Variants in TEX52 observed in about 807,000 individuals in gnomAD.
TEX52 encodes the protein testis-expressed protein 52.
Under a neutral mutation model 17.6 loss-of-function variants are expected in TEX52, and 22 were observed. The ratio of observed to expected loss-of-function variants is 1.25; its 90% CI spans 0.89 to 1.78. The LOEUF (loss-of-function observed/expected upper bound fraction) is 1.78. Among genes scored for constraint, TEX52 ranks in the 40% most tolerant of loss-of-function variants. TEX52 has a pLI of 0.00. For synonymous variants in TEX52, 168 were observed against 147.4 expected, an observed-to-expected ratio of 1.14 and a Z score of -1.01; for missense variants, 396 against 372.3, an observed-to-expected ratio of 1.06 and a Z score of -0.52.
chr12:2,853,090 G>C (rs1045278272), intron 2 of TEX52, among the ~76,000 whole-genome samples: 3 of 152,050 alleles, frequency 2.0e-5, no homozygotes, highest in African/African-American at 7.2e-5. Flanking sequence ...GAAGTGTTTG[G>C]CAGAACACCA....
chr12:2,852,457 C>G (rs774038819), intron 2 of TEX52, among the ~76,000 whole-genome samples: 1 of 152,142 alleles, frequency 6.6e-6, no homozygotes, highest in African/African-American at 2.4e-5. Context: ...GCCTCGACCT[C>G]CTGGGCTCAG....
chr12:2,856,148 G>A (rs1028170213), intron 1 of TEX52, among the ~76,000 whole-genome samples: 2 of 152,030 alleles, frequency 1.3e-5, no homozygotes, highest in Non-Finnish European at 2.9e-5. Context: ...TATTGCTATC[G>A]TCCCCATCTC....
chr12:2,853,991 C>T (rs1343425128), intron 2 of TEX52, among the ~76,000 whole-genome samples: 1 of 152,168 alleles, frequency 6.6e-6, no homozygotes, highest in Non-Finnish European at 1.5e-5. Flanking sequence ...CCCCTTCTCT[C>T]CTGAATTTCT....
rs2098089524 is a variant in TEX52 at position 2,857,011 on chromosome 12, G to GCAA, written c.15_16insTTG (p.Arg5_Gln6insLeu). 2.8e-6 allele frequency: 2 copies of GCAA among 702,964 alleles called. No individual in the cohort carries two copies. The highest frequency in any genetic ancestry group is 5.2e-6 in the Non-Finnish European group (2 of 384,984). 43.5% of individuals were successfully genotyped at this position (702,964 alleles called of 1,614,324 possible). Reference sequence around the variant, plus strand: ...TGACTGGGCCCTCTGAGTGATCTTTGCCGGTTACTGGCCATTCTTCTGGGC... The same window carrying GCAA: ...TGACTGGGCCCTCTGAGTGATCTTTGCAACCGGTTACTGGCCATTCTTCTGGGC... On this transcript the variant is annotated inframe_insertion, in exon 1 of 3. Transcript: ENST00000637658.
At position 2,849,417 on chromosome 12, in the gene TEX52, C is replaced by T; in HGVS notation, c.732G>A (p.Leu244=). 6.5e-7 allele frequency: 1 copy of T among 1,536,162 alleles called. No individual in the cohort carries two copies. Among genetic ancestry groups the T allele is most frequent in the Non-Finnish European group, 8.7e-7 (1 of 1,146,920 alleles). The part of the protein sequence containing the change: ...FARSWPCPNP[L]PHYQEKVLKL... ...TTAGCACCTTCTCCTGGTAGTGAGG[C>T]AGAGGGTTTGGGCAGGGCCAGCTCC... Residue 244 remains leucine (L), a synonymous_variant, in exon 3 of 3, where the codon CTG becomes CTA. Coordinates refer to ENST00000637658, the MANE Select transcript of TEX52 (RefSeq NM_001365174.2).
At chr12:2,856,849 G>A (rs2098088894) in intron 1 of TEX52, 106 bp downstream of exon 1, 1 of 683,288 alleles carries the variant, frequency 1.5e-6, no homozygotes, top group Non-Finnish European at 2.7e-6. Context: ...AAAATGTATG[G>A]GCCAGGCAGT....
At position 2,849,234 on chromosome 12, in the gene TEX52, G is replaced by C. The variant is rs941803870; in HGVS notation, c.915C>G (p.Phe305Leu). 11 of 1,535,312 alleles carry C rather than the reference G, an allele frequency of 7.2e-6. No individual in the cohort carries two copies. The highest frequency in any genetic ancestry group is 3.3e-4 in the Middle Eastern group (2 of 6,008). Residue 305 changes from phenylalanine to leucine, a missense_variant, in exon 3 of 3, where the codon TTC becomes TTG. Coordinates refer to ENST00000637658, the MANE Select transcript of TEX52 (RefSeq NM_001365174.2). ...ATCGTCCCCTCTGGAAGCCCTTCTA[G>C]AAGTGTCCAGGTCTTCTCTTCCTCT... ...ARKRKRRPGH[F>L]
chr12:2,852,171 A>C (rs552812535), intron 2 of TEX52, among the ~76,000 whole-genome samples: 1 of 152,252 alleles, frequency 6.6e-6, no homozygotes, highest in East Asian at 1.9e-4. Flanking sequence ...CTGGGGACCT[A>C]ATTCCTTGTC....
chr12:2,850,366 C>T (rs1282944368), intron 2 of TEX52, among the ~76,000 whole-genome samples: 5 of 149,786 alleles, frequency 3.3e-5, no homozygotes, highest in Admixed American at 6.7e-5. Context: ...CCCAGCTACT[C>T]GGGAGGCTGA....
intron 2 of TEX52, among the ~76,000 whole-genome samples, chr12:2,852,674 A>C (rs1255582067): frequency 6.6e-6 from 1 of 152,080 alleles, no homozygotes; most frequent in African/African-American, 2.4e-5. Context: ...TAGGCAAGAT[A>C]CTTGACCTGT....
chr12:2,855,513 C>A (rs565616786), intron 1 of TEX52, 67 bp from the exon 2 acceptor site: 1 of 1,252,458 alleles, frequency 8.0e-7, no homozygotes. Context: ...GTGGGTGAGG[C>A]ACTCCGCTCT....
At chr12:2,856,452 A>C (rs185085081) in intron 1 of TEX52, among the ~76,000 whole-genome samples, 60 of 151,796 alleles carry the variant, frequency 4.0e-4, no homozygotes, top group Middle Eastern at 3.4e-3. Context: ...TGCAACCTCC[A>C]CCTCCCGGGT....
At chr12:2,850,475 C>CAAAAA (rs1275655927) in intron 2 of TEX52, among the ~76,000 whole-genome samples, 4 of 70,664 alleles carry the variant, frequency 5.7e-5, no homozygotes, top group African/African-American at 1.5e-4. Context: ...GACTCTGTCT[C>CAAAAA]AAAAAAAAAA....
chr12:2,851,868 A>G (rs10848714), intron 2 of TEX52, among the ~76,000 whole-genome samples: 23,480 of 151,620 alleles, frequency 0.15, 1,930 homozygotes, highest in South Asian at 0.29. Context: ...TAGTAGAGAG[A>G]GGGTTTCACC....
At chr12:2,850,488 A>G (rs1249877547) in intron 2 of TEX52, among the ~76,000 whole-genome samples, 1 of 150,802 alleles carries the variant, frequency 6.6e-6, no homozygotes, top group Non-Finnish European at 1.5e-5. Context: ...AAAAAAAAAA[A>G]AAAAAAATGG....
chr12:2,852,910 G>A (rs1053872354), intron 2 of TEX52, among the ~76,000 whole-genome samples: 3 of 151,950 alleles, frequency 2.0e-5, no homozygotes, highest in African/African-American at 7.2e-5. Context: ...GAGGCAGGGA[G>A]AATGGTTTGA....
chr12:2,849,386 C>A lies in TEX52; in HGVS notation c.763G>T (p.Ala255Ser). 6.5e-7 allele frequency: 1 copy of A among 1,536,140 alleles called. No homozygotes were observed. Among genetic ancestry groups the A allele is most frequent in the South Asian group, 1.2e-5 (1 of 84,070 alleles). The change falls in exon 3 of 3, where the codon GCC becomes TCC. Residue 255 changes from alanine to serine, a missense_variant. Transcript: ENST00000637658. The stretch of plus-strand genomic sequence containing the variant: ...CTCAGGGGCGCGCTGGGCAGCAAGG[C>A]CAGCTTTAGCACCTTCTCCTGGTAG... ...PHYQEKVLKL[A>S]LLPSAPLSQD... is the part of the protein sequence containing the mutation.
chr12:2,849,193 G>C lies in TEX52; in HGVS notation c.*38C>G. 6.6e-7 allele frequency: 1 copy of C among 1,504,432 alleles called. No homozygotes were observed. The highest frequency in any genetic ancestry group is 1.3e-5 in the South Asian group (1 of 78,242). 93.2% of individuals were successfully genotyped at this position (1,504,432 alleles called of 1,614,324 possible). A position where few individuals can be genotyped will look rare whatever the true frequency, so the allele number is the denominator to read the frequency against. On this transcript the variant is annotated 3_prime_UTR_variant, in exon 3 of 3. Coordinates refer to ENST00000637658, the MANE Select transcript of TEX52 (RefSeq NM_001365174.2). ...ATTGATTGAGAACACTGGAGCCTGG[G>C]GCTCTGGGTATCACGATCGTCCCCT...
rs760051023 is a variant in TEX52, at chr12:2,855,287, G to A, written c.232C>T (p.Arg78Cys). The A allele has an allele frequency of 3.9e-5, 60 of 1,520,466 alleles. No individual in the cohort carries two copies. The highest frequency in any genetic ancestry group is 7.4e-5 in the East Asian group (3 of 40,460). The allele number at this position is 1,520,466 out of a possible 1,614,324, so 94.2% of individuals were successfully genotyped here. A position where few individuals can be genotyped will look rare whatever the true frequency, so the allele number is the denominator to read the frequency against. Residue 78 changes from arginine (R) to cysteine (C), a missense_variant, in exon 2 of 3, where the codon CGT (arginine) becomes TGT (cysteine). Coordinates refer to ENST00000637658, the MANE Select transcript of TEX52 (RefSeq NM_001365174.2). ...PPCTDMKSKV[R>C]QRLIHPWKGG... is the part of the protein sequence containing the mutation. Reference sequence around the variant, plus strand: ...TTCCAAGGGTGGATGAGCCGCTGACGCACCTTGGACTTCATATCTGTGCAG... The same window carrying A: ...TTCCAAGGGTGGATGAGCCGCTGACACACCTTGGACTTCATATCTGTGCAG...
Sources: allele counts gnomAD v4.1 joint callset (sites outside exome capture counted in the v4.1 genomes callset), GRCh38; gene constraint gnomAD v4.1.1; transcripts MANE v1.5; gene names NCBI Gene and HGNC (gene_info 2026-07-23, HGNC 2026-07-21).